Variants in SEMA3A observed in about 807,000 individuals in gnomAD.
SEMA3A encodes semaphorin-3A.
A neutral mutation model predicts 97.9 loss-of-function variants in SEMA3A; 29 were observed. That is an observed-to-expected ratio of 0.30 (90% CI 0.22 to 0.40). SEMA3A has a LOEUF of 0.40. Among genes scored for constraint, SEMA3A ranks in the 10% least tolerant of loss-of-function variants. The pLI is 1.00. For synonymous variants in SEMA3A, 321 were observed against 323.7 expected (o/e 0.99, Z 0.09); for missense variants, 763 against 951.3 (o/e 0.80, Z 2.60).
chr7:84,311,252 AT>A (rs1326877181), intron 2 of SEMA3A, among the ~76,000 whole-genome samples: 2 of 151,924 alleles, frequency 1.3e-5, no homozygotes, highest in African/African-American at 2.4e-5. Flanking sequence ...AGTTGCTTCC[AT>A]ATCCTCAGTG....
chr7:84,481,753 G>A (rs150942450), intron 1 of SEMA3A, among the ~76,000 whole-genome samples: 263 of 151,896 alleles, frequency 1.7e-3, no homozygotes, highest in Middle Eastern at 4.0e-3. Flanking sequence ...AATAGAAGAC[G>A]CAAATTATTA....
intron 1 of SEMA3A, among the ~76,000 whole-genome samples, chr7:84,421,438 T>A (rs1035441852): frequency 6.6e-6 from 1 of 152,014 alleles, no homozygotes; most frequent in South Asian, 2.1e-4. Flanking sequence ...AGAAAATATA[T>A]CTCCAGTAAC....
intron 12 of SEMA3A, among the ~76,000 whole-genome samples, chr7:83,994,110 G>T (rs1217395942): frequency 3.3e-5 from 5 of 149,936 alleles, no homozygotes; most frequent in Admixed American, 2.7e-4. Context: ...GATTGCATCG[G>T]CTCCTGAGGC....
intron 2 of SEMA3A, among the ~76,000 whole-genome samples, chr7:84,324,687 C>T (rs1386002677): frequency 1.3e-5 from 2 of 151,942 alleles, no homozygotes; most frequent in African/African-American, 4.8e-5. Context: ...TTCAAAGAGA[C>T]TTCAATTTAT....
intron 2 of SEMA3A, among the ~76,000 whole-genome samples, chr7:84,307,887 A>G (rs1323887454): frequency 6.6e-6 from 1 of 152,202 alleles, no homozygotes; most frequent in Non-Finnish European, 1.5e-5. Context: ...ACTAAAATAG[A>G]TGCTTTGTAA....
chr7:84,095,358 C>CACACATATATAT (rs1211794166), intron 4 of SEMA3A, among the ~76,000 whole-genome samples: 37 of 122,886 alleles, frequency 3.0e-4, no homozygotes, highest in African/African-American at 1.2e-3. Context: ...TTTTTATATA[C>CACACATATATAT]ATATATATAT....
intron 1 of SEMA3A, among the ~76,000 whole-genome samples, chr7:84,431,353 T>C (rs1375764988): frequency 6.6e-6 from 1 of 152,156 alleles, no homozygotes; most frequent in East Asian, 1.9e-4. Context: ...ATTCATCAAA[T>C]AAGGCTTTAT....
At chr7:84,206,308 A>C (rs1041693663) in intron 3 of SEMA3A, among the ~76,000 whole-genome samples, 1 of 151,378 alleles carries the variant, frequency 6.6e-6, no homozygotes, top group African/African-American at 2.4e-5. Context: ...TTATTGTAGA[A>C]ACCAAGATGG....
At chr7:84,397,388 A>G (rs930817599) in intron 1 of SEMA3A, among the ~76,000 whole-genome samples, 4 of 148,928 alleles carry the variant, frequency 2.7e-5, no homozygotes, top group African/African-American at 2.4e-5. Context: ...AAGCAAAACA[A>G]AAACCAAAAT....
At chr7:83,986,988 A>C (rs80126152) in intron 12 of SEMA3A, among the ~76,000 whole-genome samples, 2,426 of 149,464 alleles carry the variant, frequency 0.016, 19 homozygotes, top group Middle Eastern at 0.031. Context: ...ACACACACAC[A>C]CCCACACGCA....
At chr7:84,002,139 A>C in intron 11 of SEMA3A, 93 bp from the exon 12 acceptor site, 1 of 644,964 alleles carries the variant, frequency 1.6e-6, no homozygotes, top group South Asian at 2.4e-5. Context: ...CAGACAAAGA[A>C]CCTTTGATAT....
intron 1 of SEMA3A, among the ~76,000 whole-genome samples, chr7:84,442,700 A>G (rs1805302626): frequency 6.6e-6 from 1 of 152,280 alleles, no homozygotes; most frequent in African/African-American, 2.4e-5. Context: ...GCAAATGAAC[A>G]TAAGCCAACT....
intron 2 of SEMA3A, among the ~76,000 whole-genome samples, chr7:84,362,386 T>C (rs609308): frequency 0.29 from 43,632 of 151,950 alleles, 6,744 homozygotes; most frequent in African/African-American, 0.38. Context: ...CGATTGTTAA[T>C]TTTATTATCA....
At chr7:84,346,657 G>C (rs1271770220) in intron 2 of SEMA3A, among the ~76,000 whole-genome samples, 2 of 152,112 alleles carry the variant, frequency 1.3e-5, no homozygotes. Flanking sequence ...CGTCTTATAT[G>C]GGCATAGTTT....
intron 2 of SEMA3A, among the ~76,000 whole-genome samples, chr7:84,351,253 T>C (rs1435768968): frequency 6.6e-6 from 1 of 152,124 alleles, no homozygotes; most frequent in African/African-American, 2.4e-5. Context: ...CATCATAACA[T>C]CCTTTTCCTC....
chr7:84,425,426 A>C (rs577233927), intron 1 of SEMA3A, among the ~76,000 whole-genome samples: 1,478 of 132,470 alleles, frequency 0.011, 20 homozygotes, highest in South Asian at 0.024. Context: ...TATTTATATG[A>C]ATATAAATAT....
chr7:84,011,547 G>A (rs1328942557), intron 7 of SEMA3A, among the ~76,000 whole-genome samples: 1 of 151,934 alleles, frequency 6.6e-6, no homozygotes, highest in Non-Finnish European at 1.5e-5. Context: ...TTATTCAAGG[G>A]ATTACTTATA....
At chr7:84,166,735 C>T (rs992157666) in intron 1 of SEMA3A, among the ~76,000 whole-genome samples, 1 of 151,288 alleles carries the variant, frequency 6.6e-6, no homozygotes, top group Non-Finnish European at 1.5e-5. Context: ...ATTAGCTGGG[C>T]GCGGTGGCAG....
chr7:83,990,844 A>G (rs1466908217), intron 12 of SEMA3A, among the ~76,000 whole-genome samples: 1 of 148,958 alleles, frequency 6.7e-6, no homozygotes, highest in African/African-American at 2.5e-5. Flanking sequence ...AGTTTTTTCC[A>G]ATTCTGTGAA....
Sources: allele counts gnomAD v4.1 joint callset (sites outside exome capture counted in the v4.1 genomes callset), GRCh38; gene constraint gnomAD v4.1.1; transcripts MANE v1.5; gene names NCBI Gene and HGNC (gene_info 2026-07-23, HGNC 2026-07-21).